The following EXOC6 variants were observed in gnomAD, a reference collection of about 807,000 sequenced individuals.
EXOC6 encodes SEC15-like 1.
EXOC6 carries 60 observed loss-of-function variants against 112.5 expected under a neutral mutation model. That is an observed-to-expected ratio of 0.53 (90% confidence interval 0.43 to 0.66). The LOEUF (loss-of-function observed/expected upper bound fraction) is 0.66, where lower values mean the gene tolerates loss of function less well. EXOC6 is among the 30% of genes least tolerant of loss of function. The pLI is 0.00. For missense variants in EXOC6, 855 were observed against 957.1 expected, an observed-to-expected ratio of 0.89 and a Z score of 1.41; for synonymous variants, 295 against 308.0, an observed-to-expected ratio of 0.96 and a Z score of 0.44.
At position 93,014,185 on chromosome 10, in the gene EXOC6, T is replaced by C; in HGVS notation, c.2096-9T>C. On this transcript the variant is annotated splice_polypyrimidine_tract_variant and intron_variant, in intron 19 of 21. Transcript: ENST00000260762. Reference sequence around the variant, plus strand: ...CATTTTTATTCTTTTTTTTTCTTTCTTTTAATAGTGTTTGCCAGCTCTGAG... The same window carrying C: ...CATTTTTATTCTTTTTTTTTCTTTCCTTTAATAGTGTTTGCCAGCTCTGAG... The C allele has an allele frequency of 6.2e-7, 1 of 1,608,980 alleles. No individual in the cohort carries two copies. Among genetic ancestry groups the C allele is most frequent in the East Asian group, 2.2e-5 (1 of 44,818 alleles).
Position 92,923,929 on chromosome 10 carries a change from AAGG to A in EXOC6, c.888+3882_888+3884del, listed in dbSNP as rs200765649. Among the ~76,000 whole-genome samples, 114 of 152,242 alleles carry A rather than the reference AAGG, an allele frequency of 7.5e-4. 1 individual carries two copies. The East Asian group carries it at 0.02, about 26-fold the overall frequency. ...GTAAAAGCTTCCAGGGTGCCAAATA[AAGG>A]AGAAGTCTCCTTTAATTATTAATCA... is the stretch of plus-strand genomic sequence containing the variant. On this transcript the variant is annotated intron_variant, in intron 8 of 21. Transcript: ENST00000260762.
chr10:93,031,977 A>G (rs1280667996), intron 20 of EXOC6, among the ~76,000 whole-genome samples: 1 of 152,204 alleles, frequency 6.6e-6, no homozygotes, highest in Non-Finnish European at 1.5e-5. Flanking sequence ...GGACTAAGCA[A>G]CCATTAGCCA....
chr10:92,911,001 A>C (rs1850726300), intron 6 of EXOC6, among the ~76,000 whole-genome samples: 1 of 50,662 alleles, frequency 2.0e-5, no homozygotes, highest in Non-Finnish European at 3.7e-5. Flanking sequence ...ATGTAAAAAT[A>C]TTAGTGGAAG....
At chr10:92,952,531 G>C (rs530028416) in intron 15 of EXOC6, 149 bp downstream of exon 15, 1 of 632,468 alleles carries the variant, frequency 1.6e-6, no homozygotes, top group African/African-American at 1.9e-5. Flanking sequence ...GTAATGCTGA[G>C]ATTTGGGGTA....
chr10:92,947,427 A>G (rs1277591919), intron 13 of EXOC6, among the ~76,000 whole-genome samples: 2 of 152,242 alleles, frequency 1.3e-5, no homozygotes, highest in Non-Finnish European at 2.9e-5. Flanking sequence ...GGGTGTACAG[A>G]AGAGCACATG....
At chr10:92,945,333 C>G (rs1564851200) in intron 13 of EXOC6, among the ~76,000 whole-genome samples, 1 of 152,288 alleles carries the variant, frequency 6.6e-6, no homozygotes, top group East Asian at 1.9e-4. Flanking sequence ...CTTGCCTCTT[C>G]ATTCTGTTGT....
At chr10:93,044,154 A>G (rs1845905374) in intron 20 of EXOC6, among the ~76,000 whole-genome samples, 1 of 152,220 alleles carries the variant, frequency 6.6e-6, no homozygotes, top group Non-Finnish European at 1.5e-5. Context: ...CTTTGAGGCT[A>G]TGGAAAGACT....
intron 18 of EXOC6, among the ~76,000 whole-genome samples, chr10:92,975,968 GGCGCCTCTGCCC>G (rs1842573105): frequency 1.4e-5 from 2 of 144,172 alleles, no homozygotes; most frequent in African/African-American, 5.1e-5. Flanking sequence ...GTAGGTGAGG[GGCGCCTCTGCCC>G]AGCCGCCCCT....
intron 18 of EXOC6, among the ~76,000 whole-genome samples, chr10:92,983,205 C>T (rs1842886672): frequency 6.6e-6 from 1 of 152,058 alleles, no homozygotes; most frequent in South Asian, 2.1e-4. Flanking sequence ...AAAGGTTGTT[C>T]TGTTTTGCTT....
intron 14 of EXOC6, among the ~76,000 whole-genome samples, chr10:92,951,333 A>T (rs1375268754): frequency 6.6e-6 from 1 of 152,218 alleles, no homozygotes; most frequent in African/African-American, 2.4e-5. Flanking sequence ...CAGAACCCTA[A>T]AGCACAGCAA....
At position 92,863,952 on chromosome 10, in the gene EXOC6, GA is replaced by G. The variant is rs749645407; in HGVS notation, c.101+15326del. Among the ~76,000 whole-genome samples, 484 of 143,612 alleles carry G rather than the reference GA, an allele frequency of 3.4e-3. 8 individuals are homozygous for G. The highest frequency in any genetic ancestry group is 0.012 in the African/African-American group (452 of 39,164). The allele number at this position is 143,612 out of a possible 152,430, so 94.2% of individuals were successfully genotyped here. A position where few individuals can be genotyped will look rare whatever the true frequency, so the allele number is the denominator to read the frequency against. Reference sequence around the variant, plus strand: ...ACAAAACAAAAAAACAAAAAAAAAAGAAAAAAAACCCAAAAAATTAGCTCGG... The same window carrying G: ...ACAAAACAAAAAAACAAAAAAAAAAGAAAAAAACCCAAAAAATTAGCTCGG... On this transcript the variant is annotated intron_variant, in intron 1 of 21. Coordinates refer to ENST00000260762, the MANE Select transcript of EXOC6 (RefSeq NM_019053.6).
At chr10:92,828,129 C>T (rs1163543003) in intron 1 of EXOC6, among the ~76,000 whole-genome samples, 1 of 152,098 alleles carries the variant, frequency 6.6e-6, no homozygotes, top group East Asian at 1.9e-4. Context: ...GTTGATCTCT[C>T]TAGATTTTCT....
intron 17 of EXOC6, among the ~76,000 whole-genome samples, chr10:92,959,527 T>G (rs978891288): frequency 6.6e-6 from 1 of 152,152 alleles, no homozygotes. Context: ...CATTAAAATT[T>G]TAGACTTCTG....
chr10:92,982,554 A>G (rs1434147613), intron 18 of EXOC6, among the ~76,000 whole-genome samples: 1 of 152,262 alleles, frequency 6.6e-6, no homozygotes, highest in South Asian at 2.1e-4. Context: ...ACCACTAAAT[A>G]AAGCATAACT....
intron 18 of EXOC6, among the ~76,000 whole-genome samples, chr10:92,982,671 C>CT (rs1842868647): frequency 6.6e-6 from 1 of 152,180 alleles, no homozygotes; most frequent in Admixed American, 6.5e-5. Context: ...GTAGAAACTT[C>CT]TTTCAAGATG....
chr10:92,972,341 T>C (rs1842332847), intron 17 of EXOC6, among the ~76,000 whole-genome samples: 1 of 152,118 alleles, frequency 6.6e-6, no homozygotes, highest in Admixed American at 6.5e-5. Context: ...GGAGACTTAA[T>C]TGCAAAACAA....
intron 18 of EXOC6, among the ~76,000 whole-genome samples, chr10:92,987,065 T>C (rs1843038569): frequency 2.0e-5 from 3 of 152,204 alleles, no homozygotes; most frequent in Non-Finnish European, 2.9e-5. Flanking sequence ...CCTAAGCATC[T>C]TCAGAATAAT....
intron 20 of EXOC6, among the ~76,000 whole-genome samples, chr10:93,019,377 A>G (rs1165354403): frequency 2.0e-5 from 3 of 152,210 alleles, no homozygotes; most frequent in Non-Finnish European, 4.4e-5. Flanking sequence ...TAAGCTATTC[A>G]TAACTTACAG....
chr10:92,978,358 C>T (rs915894727), intron 18 of EXOC6, among the ~76,000 whole-genome samples: 3 of 151,696 alleles, frequency 2.0e-5, no homozygotes, highest in East Asian at 1.9e-4. Context: ...TCCAGTGAGC[C>T]GTAATCATGC....
Sources: allele counts gnomAD v4.1 joint callset (sites outside exome capture counted in the v4.1 genomes callset), GRCh38; gene constraint gnomAD v4.1.1; transcripts MANE v1.5; gene names NCBI Gene and HGNC (gene_info 2026-07-23, HGNC 2026-07-21).